The following IQCM variants were observed in gnomAD, a reference collection of about 807,000 sequenced individuals.
The protein encoded by IQCM is IQ domain-containing protein M.
IQCM carries 45 observed loss-of-function variants against 57.6 expected under a neutral mutation model. The ratio of observed to expected loss-of-function variants is 0.78; its 90% confidence interval spans 0.62 to 1.00. The LOEUF (loss-of-function observed/expected upper bound fraction) is 1.00, where lower values mean the gene tolerates loss of function less well. IQCM is among the 50% of genes least tolerant of loss of function. The pLI, the probability that IQCM is intolerant of heterozygous loss-of-function variation, is 0.00. For missense variants in IQCM, 468 were observed against 511.6 expected, an observed-to-expected ratio of 0.91 and a Z score of 0.82; for synonymous variants, 148 against 158.9, an observed-to-expected ratio of 0.93 and a Z score of 0.51.
At chr4:149,508,784 C>G (rs1021204758) in intron 12 of IQCM, among the ~76,000 whole-genome samples, 9 of 152,072 alleles carry the variant, frequency 5.9e-5, no homozygotes, top group Non-Finnish European at 1.2e-4. Context: ...GAGATTTAGG[C>G]AGGGCCAGGG....
At chr4:149,646,303 C>A (rs1220333458) in intron 7 of IQCM, among the ~76,000 whole-genome samples, 1 of 151,904 alleles carries the variant, frequency 6.6e-6, no homozygotes, top group Admixed American at 6.6e-5. Context: ...GAAATATAAA[C>A]TTTTAATATC....
intron 12 of IQCM, among the ~76,000 whole-genome samples, chr4:149,544,332 A>G (rs1748164545): frequency 6.6e-6 from 1 of 152,186 alleles, no homozygotes; most frequent in Admixed American, 6.5e-5. Flanking sequence ...AAGAAAATAC[A>G]ATATTTAGTA....
intron 2 of IQCM, among the ~76,000 whole-genome samples, chr4:149,758,379 A>G (rs1163683694): frequency 6.6e-6 from 1 of 152,212 alleles, no homozygotes; most frequent in Admixed American, 6.5e-5. Flanking sequence ...TAAAACTCCT[A>G]GAAGACAACA....
intron 2 of IQCM, among the ~76,000 whole-genome samples, chr4:149,778,981 A>G (rs1051659575): frequency 6.6e-6 from 1 of 152,214 alleles, no homozygotes; most frequent in African/African-American, 2.4e-5. Context: ...AAATACTTCC[A>G]AGTTCATTTT....
chr4:149,444,233 G>T (rs1407543011), intron 12 of IQCM, among the ~76,000 whole-genome samples: 1 of 151,688 alleles, frequency 6.6e-6, no homozygotes, highest in African/African-American at 2.4e-5. Flanking sequence ...AATTCTCATG[G>T]CATAATTTTA....
At chr4:149,359,122 T>G (rs1729293404) in intron 13 of IQCM, among the ~76,000 whole-genome samples, 1 of 152,138 alleles carries the variant, frequency 6.6e-6, no homozygotes, top group South Asian at 2.1e-4. Flanking sequence ...TCATGTCACT[T>G]GTGTGATCCA....
At chr4:149,361,632 C>G (rs1370404419) in intron 13 of IQCM, among the ~76,000 whole-genome samples, 1 of 152,146 alleles carries the variant, frequency 6.6e-6, no homozygotes, top group Non-Finnish European at 1.5e-5. Flanking sequence ...TGGTGTTGAG[C>G]CTGTGGGTGC....
At chr4:149,713,260 C>T (rs1329151101) in intron 5 of IQCM, among the ~76,000 whole-genome samples, 1 of 152,176 alleles carries the variant, frequency 6.6e-6, no homozygotes, top group Non-Finnish European at 1.5e-5. Context: ...TTTTTACCCT[C>T]CCTTGCCACC....
chr4:149,495,773 G>C (rs987422999), intron 12 of IQCM, among the ~76,000 whole-genome samples: 1 of 152,078 alleles, frequency 6.6e-6, no homozygotes, highest in Admixed American at 6.6e-5. Context: ...AACTCAGTTA[G>C]AGAAGCCAAG....
chr4:149,665,511 T>C (rs564714676), intron 7 of IQCM, among the ~76,000 whole-genome samples: 1 of 152,284 alleles, frequency 6.6e-6, no homozygotes, highest in South Asian at 2.1e-4. Flanking sequence ...GCTGCTCCTC[T>C]GGTGCTATCC....
At chr4:149,403,494 A>C (rs1157910869) in intron 13 of IQCM, among the ~76,000 whole-genome samples, 3 of 152,012 alleles carry the variant, frequency 2.0e-5, no homozygotes, top group Non-Finnish European at 4.4e-5. Flanking sequence ...TGAGAGCAAT[A>C]GCAATTTGCT....
chr4:149,378,277 T>C (rs2111017643), intron 13 of IQCM, among the ~76,000 whole-genome samples: 1 of 152,072 alleles, frequency 6.6e-6, no homozygotes, highest in East Asian at 1.9e-4. Flanking sequence ...TACCCAAAAA[T>C]GTGGAAGTGA....
chr4:149,690,136 C>T (rs1762842084), intron 5 of IQCM, among the ~76,000 whole-genome samples: 1 of 152,118 alleles, frequency 6.6e-6, no homozygotes, highest in Non-Finnish European at 1.5e-5. Context: ...GCACAATTCA[C>T]AATTGCAAAG....
At chr4:149,397,414 G>T (rs554600212) in intron 13 of IQCM, among the ~76,000 whole-genome samples, 1 of 152,080 alleles carries the variant, frequency 6.6e-6, no homozygotes, top group South Asian at 2.1e-4. Flanking sequence ...GATCTCATGG[G>T]AGGTGATTGG....
intron 13 of IQCM, among the ~76,000 whole-genome samples, chr4:149,378,034 T>TA (rs1169731021): frequency 6.6e-6 from 1 of 152,166 alleles, no homozygotes; most frequent in Non-Finnish European, 1.5e-5. Context: ...TGGTGGTGAA[T>TA]AAGTCTCACA....
chr4:149,619,079 T>C (rs763190560), intron 8 of IQCM, among the ~76,000 whole-genome samples: 6 of 141,860 alleles, frequency 4.2e-5, no homozygotes, highest in Admixed American at 7.2e-5. Flanking sequence ...TGTCCATCAA[T>C]AGATGACTGG....
At chr4:149,546,315 T>C (rs1748420289) in intron 12 of IQCM, among the ~76,000 whole-genome samples, 1 of 152,212 alleles carries the variant, frequency 6.6e-6, no homozygotes, top group South Asian at 2.1e-4. Context: ...TGATTTATAA[T>C]CCTTTGGGTA....
intron 12 of IQCM, among the ~76,000 whole-genome samples, chr4:149,438,077 G>A (rs1275358592): frequency 6.6e-6 from 1 of 151,938 alleles, no homozygotes; most frequent in Non-Finnish European, 1.5e-5. Flanking sequence ...AGTGACCTTG[G>A]GTTATTAAAC....
intron 13 of IQCM, among the ~76,000 whole-genome samples, chr4:149,358,589 A>G (rs1729182928): frequency 6.6e-6 from 1 of 152,022 alleles, no homozygotes; most frequent in Admixed American, 6.6e-5. Flanking sequence ...TTTTTGTCAT[A>G]TGGCAGAATA....
Sources: gnomAD v4.1 joint callset for allele counts (sites outside exome capture counted in the v4.1 genomes callset) on GRCh38, gnomAD v4.1.1 for gene constraint, MANE v1.5 for transcripts, NCBI Gene and HGNC (gene_info 2026-07-23, HGNC 2026-07-21) for gene names.